Variants in PRTFDC1 observed in about 807,000 individuals in gnomAD.
PRTFDC1 encodes phosphoribosyltransferase domain-containing protein 1.
PRTFDC1 carries 38 observed loss-of-function variants against 34.6 expected under a neutral mutation model. The ratio of observed to expected loss-of-function variants is 1.10; its 90% CI spans 0.85 to 1.44. The LOEUF is 1.44. Among genes scored for constraint, PRTFDC1 ranks in the 40% most tolerant of loss-of-function variants. The pLI, the probability that PRTFDC1 is intolerant of heterozygous loss-of-function variation, is 0.00. For missense variants in PRTFDC1, 270 were observed against 283.0 expected (o/e 0.95, Z 0.33); for synonymous variants, 93 against 98.1 (o/e 0.95, Z 0.31).
chr10:24,863,529 T>C (rs1208452636), intron 4 of PRTFDC1, among the ~76,000 whole-genome samples: 1 of 152,218 alleles, frequency 6.6e-6, no homozygotes, highest in African/African-American at 2.4e-5. Flanking sequence ...AACATCCATT[T>C]TGCAGCCCAT....
At chr10:24,901,801 T>C (rs1848454243) in intron 3 of PRTFDC1, among the ~76,000 whole-genome samples, 1 of 152,248 alleles carries the variant, frequency 6.6e-6, no homozygotes, top group South Asian at 2.1e-4. Context: ...CATGATTTTA[T>C]ACTAGTCATG....
intron 3 of PRTFDC1, among the ~76,000 whole-genome samples, chr10:24,932,305 A>G (rs1169291153): frequency 6.6e-6 from 1 of 151,970 alleles, no homozygotes; most frequent in Non-Finnish European, 1.5e-5. Flanking sequence ...CCTAACTGGC[A>G]TGATCATGCA....
intron 3 of PRTFDC1, among the ~76,000 whole-genome samples, chr10:24,903,675 G>A (rs1185882995): frequency 6.6e-6 from 1 of 151,304 alleles, no homozygotes; most frequent in Non-Finnish European, 1.5e-5. Flanking sequence ...TTCATTTTGT[G>A]TATCCACTCC....
At chr10:24,950,783 T>G (rs993861338) in intron 1 of PRTFDC1, among the ~76,000 whole-genome samples, 5 of 152,136 alleles carry the variant, frequency 3.3e-5, no homozygotes, top group Admixed American at 1.3e-4. Context: ...CAGGCTTCCA[T>G]CCTTAACAGT....
At chr10:24,938,996 C>G (rs1203955134) in intron 2 of PRTFDC1, among the ~76,000 whole-genome samples, 7 of 152,078 alleles carry the variant, frequency 4.6e-5, no homozygotes, top group Admixed American at 4.6e-4. Flanking sequence ...ACAGGGTGAT[C>G]CCTAGTAAGT....
intron 3 of PRTFDC1, among the ~76,000 whole-genome samples, chr10:24,909,259 C>A (rs1278987265): frequency 6.6e-6 from 1 of 152,096 alleles, no homozygotes; most frequent in Non-Finnish European, 1.5e-5. Context: ...CCAGCCTGAG[C>A]AACACAGTGA....
intron 3 of PRTFDC1, among the ~76,000 whole-genome samples, chr10:24,873,585 G>C (rs1375139096): frequency 6.6e-6 from 1 of 152,128 alleles, no homozygotes; most frequent in East Asian, 1.9e-4. Flanking sequence ...CTTCCTGGGG[G>C]GAGTCCATTC....
intron 3 of PRTFDC1, among the ~76,000 whole-genome samples, chr10:24,931,778 T>C (rs765040557): frequency 1.7e-4 from 26 of 151,884 alleles, no homozygotes; most frequent in Non-Finnish European, 1.6e-4. Context: ...TGGTGAATTC[T>C]ACCAAATACC....
intron 4 of PRTFDC1, among the ~76,000 whole-genome samples, chr10:24,869,957 T>G (rs1847846330): frequency 6.6e-6 from 1 of 152,212 alleles, no homozygotes; most frequent in African/African-American, 2.4e-5. Context: ...ACCAAATATT[T>G]ATTCCAATTT....
intron 3 of PRTFDC1, among the ~76,000 whole-genome samples, chr10:24,903,138 C>T (rs1196382121): frequency 6.6e-6 from 1 of 152,156 alleles, no homozygotes; most frequent in Admixed American, 6.5e-5. Flanking sequence ...GCAGAGGTTG[C>T]AGTGAGCTGA....
At chr10:24,915,358 G>T (rs1588612061) in intron 3 of PRTFDC1, among the ~76,000 whole-genome samples, 1 of 152,238 alleles carries the variant, frequency 6.6e-6, no homozygotes, top group African/African-American at 2.4e-5. Context: ...ATAAATAACA[G>T]CTCCAAAAGG....
Position 24,849,737 on chromosome 10 carries a change from A to T in PRTFDC1, c.*107T>A. On this transcript the variant is annotated 3_prime_UTR_variant, in exon 9 of 9. Coordinates refer to ENST00000320152, the MANE Select transcript of PRTFDC1 (RefSeq NM_020200.7). ...TCATTTGAACATTTTTTTCTTTTAT[A>T]TCCTGCTGAGTGAAGATGCCTGGGG... is the stretch of plus-strand genomic sequence containing the variant. 10 of 1,013,326 alleles carry T rather than the reference A, an allele frequency of 9.9e-6. No homozygotes were observed. Among genetic ancestry groups the T allele is most frequent in the Admixed American group, 8.1e-5 (4 of 49,296 alleles). The allele number at this position is 1,013,326 out of a possible 1,614,324, so 62.8% of individuals were successfully genotyped here.
chr10:24,901,155 C>A (rs1395059245), intron 3 of PRTFDC1, among the ~76,000 whole-genome samples: 1 of 152,272 alleles, frequency 6.6e-6, no homozygotes, highest in African/African-American at 2.4e-5. Context: ...TCACAAGCCA[C>A]AATTATAATT....
chr10:24,913,854 G>A (rs1263449153), intron 3 of PRTFDC1, among the ~76,000 whole-genome samples: 1 of 152,204 alleles, frequency 6.6e-6, no homozygotes, highest in Non-Finnish European at 1.5e-5. Flanking sequence ...GTCTTATGTG[G>A]AGAAACAGGA....
rs374166960 is a variant in PRTFDC1 at position 24,855,310 on chromosome 10, A to G, written c.553+8T>C. 4.8e-5 allele frequency: 77 copies of G among 1,611,544 alleles called. No individual in the cohort carries two copies. In the Middle Eastern group the frequency reaches 1.3e-3, roughly 28 times the overall value. On this transcript the variant is annotated splice_region_variant and intron_variant, in intron 7 of 8. Transcript: ENST00000320152. Reference sequence around the variant, plus strand: ...AAACAAACAAACAAAAAACTGAAAAACACTTACAGTCAGGTCTAAAGCCGT... The same window carrying G: ...AAACAAACAAACAAAAAACTGAAAAGCACTTACAGTCAGGTCTAAAGCCGT...
chr10:24,935,661 G>C (rs1455939472), intron 3 of PRTFDC1, among the ~76,000 whole-genome samples: 1 of 152,220 alleles, frequency 6.6e-6, no homozygotes, highest in Non-Finnish European at 1.5e-5. Context: ...TAGGTGACTA[G>C]TCAGATGACT....
At chr10:24,860,886 A>G (rs1202233914) in intron 4 of PRTFDC1, among the ~76,000 whole-genome samples, 1 of 152,208 alleles carries the variant, frequency 6.6e-6, no homozygotes, top group Non-Finnish European at 1.5e-5. Flanking sequence ...TACTTGGAGA[A>G]TGTTGTGGTT....
At chr10:24,910,020 G>T (rs1487906396) in intron 3 of PRTFDC1, among the ~76,000 whole-genome samples, 1 of 150,848 alleles carries the variant, frequency 6.6e-6, no homozygotes, top group Non-Finnish European at 1.5e-5. Flanking sequence ...AAATAGCCAG[G>T]CATGGTGGTA....
chr10:24,926,361 T>G (rs1848874211), intron 3 of PRTFDC1, among the ~76,000 whole-genome samples: 1 of 152,152 alleles, frequency 6.6e-6, no homozygotes, highest in Non-Finnish European at 1.5e-5. Context: ...ATACTTGGAG[T>G]TCTGAAGGCT....
Sources: gnomAD v4.1 joint callset for allele counts (sites outside exome capture counted in the v4.1 genomes callset) on GRCh38, gnomAD v4.1.1 for gene constraint, MANE v1.5 for transcripts, NCBI Gene and HGNC (gene_info 2026-07-23, HGNC 2026-07-21) for gene names.